ARHGEF10L: variants seen among roughly 807,000 people sequenced by gnomAD.
ARHGEF10L encodes rho guanine nucleotide exchange factor 10-like protein.
A neutral mutation model predicts 141.2 loss-of-function variants in ARHGEF10L; 69 were observed. That is an observed-to-expected ratio of 0.49 (90% CI 0.40 to 0.60). The LOEUF (loss-of-function observed/expected upper bound fraction) is 0.60. ARHGEF10L is among the 20% of genes least tolerant of loss of function. The pLI is 0.00. For synonymous variants in ARHGEF10L, 711 were observed against 718.5 expected (o/e 0.99, Z 0.17); for missense variants, 1,482 against 1,734.3 (o/e 0.85, Z 2.58).
intron 1 of ARHGEF10L, among the ~76,000 whole-genome samples, chr1:17,561,566 C>T (rs1216366429): frequency 2.0e-5 from 3 of 152,176 alleles, no homozygotes; most frequent in Non-Finnish European, 2.9e-5. Context: ...CGTCGATGGG[C>T]GCTGGTGGCA....
At chr1:17,584,857 GCA>G (rs140219740) in intron 2 of ARHGEF10L, among the ~76,000 whole-genome samples, 11,565 of 140,416 alleles carry the variant, frequency 0.082, 428 homozygotes, top group African/African-American at 0.11. Context: ...ACGTGTGCGT[GCA>G]CACACACACA....
chr1:17,640,150 C>A (rs2061247492), intron 20 of ARHGEF10L, 52 bp from the exon 21 acceptor site: 3 of 1,572,890 alleles, frequency 1.9e-6, no homozygotes, highest in Non-Finnish European at 2.6e-6. Flanking sequence ...GCTGGGGGAG[C>A]CTGGCCCTTG....
intron 6 of ARHGEF10L, chr1:17,604,800 G>A (rs1306826071): frequency 6.6e-6 from 1 of 152,242 alleles, no homozygotes; most frequent in Non-Finnish European, 1.5e-5. Context: ...CCCAGAGCTG[G>A]GAGGTCTGAG....
chr1:17,642,594 G>C (rs1410861388), intron 21 of ARHGEF10L, among the ~76,000 whole-genome samples: 4 of 152,218 alleles, frequency 2.6e-5, no homozygotes, highest in African/African-American at 9.6e-5. Context: ...GGGGTTGCCT[G>C]TGGAGGAACC....
intron 16 of ARHGEF10L, 150 bp downstream of exon 16, chr1:17,632,616 G>C: frequency 1.9e-6 from 2 of 1,077,000 alleles, no homozygotes; most frequent in Non-Finnish European, 2.7e-6. Context: ...CTCTTGCCCT[G>C]CTCTGCCACT....
At chr1:17,534,591 AT>A in the ARHGEF10L span, among the ~76,000 whole-genome samples, 424 of 124,972 alleles carry the variant, frequency 3.4e-3, 1 homozygote, top group African/African-American at 5.8e-3. Context: ...CCATTTTCTG[AT>A]TTTTTTTTTT....
At position 17,637,883 on chromosome 1, in the gene ARHGEF10L, C is replaced by T. The variant is rs778413129; in HGVS notation, c.1928-5C>T. ...TGTGCCTGAGTTGGTCTCTTCTCTG[C>T]CCAGATAAGGTGTACCTCGGCCCCC... On this transcript the variant is annotated splice_polypyrimidine_tract_variant and splice_region_variant and intron_variant, in intron 18 of 28. Transcript: ENST00000361221. 9 of 1,579,826 alleles carry T rather than the reference C, an allele frequency of 5.7e-6. No homozygotes were observed. Among genetic ancestry groups the T allele is most frequent in the Admixed American group, 5.4e-5 (3 of 55,056 alleles).
chr1:17,610,825 G>A (rs1468978382), intron 7 of ARHGEF10L, among the ~76,000 whole-genome samples: 1 of 152,222 alleles, frequency 6.6e-6, no homozygotes, highest in Non-Finnish European at 1.5e-5. Flanking sequence ...CCGTCCCTAG[G>A]CAGGTGGACT....
intron 23 of ARHGEF10L, among the ~76,000 whole-genome samples, chr1:17,655,440 C>T (rs754112590): frequency 6.5e-5 from 3 of 45,868 alleles, no homozygotes; most frequent in Non-Finnish European, 1.2e-4. Flanking sequence ...ATCATCTGTC[C>T]ATCCATCCAT....
intron 26 of ARHGEF10L, among the ~76,000 whole-genome samples, chr1:17,682,970 A>G (rs892037410): frequency 7.9e-5 from 12 of 152,160 alleles, no homozygotes; most frequent in African/African-American, 2.7e-4. Context: ...TCCCCTGGCA[A>G]TGAATTCTGA....
Position 17,550,876 on chromosome 1 carries a change from G to A in ARHGEF10L, c.-44+10926G>A, listed in dbSNP as rs144609459. 5.9e-3 allele frequency among the ~76,000 whole-genome samples: 891 copies of A among 152,210 alleles called. 8 individuals are homozygous for A. The highest frequency in any genetic ancestry group is 7.5e-3 in the Non-Finnish European group (512 of 68,014). On this transcript the variant is annotated intron_variant, in intron 1 of 28. Transcript: ENST00000361221. ...CCAGGGCAGGCAGCCTGGGAGCTAG[G>A]GGAAGATGGGTGCAAGGAACTTACC...
intron 2 of ARHGEF10L, among the ~76,000 whole-genome samples, chr1:17,584,186 A>T (rs1011822123): frequency 6.6e-6 from 1 of 151,906 alleles, no homozygotes; most frequent in African/African-American, 2.4e-5. Flanking sequence ...CTGGGACTAC[A>T]GGTGTATGCT....
chr1:17,620,552 G>C (rs1366407511), intron 10 of ARHGEF10L, among the ~76,000 whole-genome samples: 1 of 152,200 alleles, frequency 6.6e-6, no homozygotes, highest in Non-Finnish European at 1.5e-5. Context: ...CAGTGGTCTT[G>C]CCATCTGCTG....
intron 2 of ARHGEF10L, among the ~76,000 whole-genome samples, chr1:17,585,410 C>G (rs183184414): frequency 6.6e-6 from 1 of 152,250 alleles, no homozygotes; most frequent in South Asian, 2.1e-4. Context: ...GGGCACAGCT[C>G]GGGATCTCTC....
Position 17,697,593 on chromosome 1 carries a change from C to T in ARHGEF10L, c.*213C>T. 2.9e-6 allele frequency: 2 copies of T among 698,120 alleles called. No individual in the cohort carries two copies. The highest frequency in any genetic ancestry group is 5.1e-6 in the Non-Finnish European group (2 of 391,930). 43.2% of individuals were successfully genotyped at this position (698,120 alleles called of 1,614,324 possible). On this transcript the variant is annotated 3_prime_UTR_variant, in exon 29 of 29. Coordinates refer to ENST00000361221, the MANE Select transcript of ARHGEF10L (RefSeq NM_018125.4). This position sits in a 1 kb window ranked among gnomAD's most constrained non-coding sequence, Gnocchi z 4.8. ...GGGCTTGGGGAGAGGGAGGACACAT[C>T]TGGAGGAAATGGCCTTCTTTTTAAA...
chr1:17,523,794 C>T, the ARHGEF10L span, among the ~76,000 whole-genome samples: 1 of 152,178 alleles, frequency 6.6e-6, no homozygotes, highest in Non-Finnish European at 1.5e-5. Flanking sequence ...TCTCTGGTGG[C>T]CTGGGTCACA....
intron 1 of ARHGEF10L, among the ~76,000 whole-genome samples, chr1:17,544,320 G>A (rs1357913494): frequency 2.7e-5 from 4 of 149,072 alleles, no homozygotes; most frequent in Admixed American, 2.0e-4. Context: ...ATGGAGTTTT[G>A]GCTCTTGTTG....
intron 13 of ARHGEF10L, among the ~76,000 whole-genome samples, chr1:17,624,787 G>T (rs2060291383): frequency 6.6e-6 from 1 of 152,204 alleles, no homozygotes; most frequent in South Asian, 2.1e-4. Context: ...CTGTGCCCTG[G>T]TGAGTGGGTG....
At chr1:17,676,046 G>C (rs118043986) in intron 26 of ARHGEF10L, among the ~76,000 whole-genome samples, 1 of 147,368 alleles carries the variant, frequency 6.8e-6, no homozygotes, top group South Asian at 2.2e-4. Flanking sequence ...GGATGCAGGT[G>C]TAGGTGCAGG....
Sources: gnomAD v4.1 joint callset for allele counts (sites outside exome capture counted in the v4.1 genomes callset) on GRCh38, gnomAD v4.1.1 for gene constraint, Gnocchi (gnomAD v3.1) non-coding constraint, MANE v1.5 for transcripts, NCBI Gene and HGNC (gene_info 2026-07-23, HGNC 2026-07-21) for gene names.